Variants in RTKN2 observed in about 807,000 individuals in gnomAD.
RTKN2 encodes the protein rhotekin-2.
RTKN2 carries 69 observed loss-of-function variants against 71.5 expected under a neutral mutation model. The ratio of observed to expected loss-of-function variants is 0.96; its 90% confidence interval spans 0.79 to 1.18. RTKN2 has a LOEUF of 1.18. RTKN2 is among the 50% of genes most tolerant of loss of function. RTKN2 has a pLI of 0.00. For missense variants in RTKN2, 724 were observed against 719.7 expected (o/e 1.01, Z -0.07); for synonymous variants, 236 against 236.5 (o/e 1.00, Z 0.02).
Position 62,262,665 on chromosome 10 carries a change from G to A in RTKN2, c.217C>T (p.Gln73Ter), listed in dbSNP as rs750557150. The A allele has an allele frequency of 6.2e-7, 1 of 1,610,350 alleles. No homozygotes were observed. Among genetic ancestry groups the A allele is most frequent in the South Asian group, 1.1e-5 (1 of 90,130 alleles). ...ARLMAYTSEL[Q>*]KLEEQIANQT... ...TTTGCAATCTGTTCTTCTAATTTCTGTAGCTCCGATGTATAGGCCATTAGT... is the reference window on the plus strand; with the variant it reads ...TTTGCAATCTGTTCTTCTAATTTCTATAGCTCCGATGTATAGGCCATTAGT... The change falls in exon 2 of 12, where the codon CAG becomes TAG. Residue 73 changes from glutamine to a stop codon, truncating the protein, a stop_gained. Coordinates refer to ENST00000373789, the MANE Select transcript of RTKN2 (RefSeq NM_145307.4). LOFTEE classifies it high-confidence loss of function.
In RTKN2 at chr10:62,250,575, G is replaced by C. The variant is rs184287277; in HGVS notation, c.258-4518C>G. On this transcript the variant is annotated intron_variant, in intron 2 of 11. Coordinates refer to ENST00000373789, the MANE Select transcript of RTKN2 (RefSeq NM_145307.4). ...TGGTTTCAGTTGTCCAGAGTAAACT[G>C]CAGTCTGAAAATATTAAATGAAAAA... 3.3e-5 allele frequency among the ~76,000 whole-genome samples: 5 copies of C among 152,154 alleles called. No individual in the cohort carries two copies. The East Asian group carries it at 7.7e-4, about 23-fold the overall frequency.
intron 9 of RTKN2, among the ~76,000 whole-genome samples, chr10:62,214,016 A>G (rs559337530): frequency 3.2e-4 from 48 of 152,164 alleles, no homozygotes; most frequent in South Asian, 1.2e-3. Context: ...GGAAAAATTC[A>G]AAGGAAGCCT....
In RTKN2 at chr10:62,194,436, A is replaced by T. The variant is rs1440120019; in HGVS notation, c.*3472T>A. The T allele has an allele frequency of 1.0e-6, 1 of 976,994 alleles. No homozygotes were observed. The highest frequency in any genetic ancestry group is 1.2e-6 in the Non-Finnish European group (1 of 822,264). 60.5% of individuals were successfully genotyped at this position (976,994 alleles called of 1,614,324 possible). On this transcript the variant is annotated 3_prime_UTR_variant, in exon 12 of 12. Coordinates refer to ENST00000373789, the MANE Select transcript of RTKN2 (RefSeq NM_145307.4). ...AAGACTAACAGTGAAGATGGCTACT[A>T]GAATATAAATGGTCATCAGTTAAAG...
At chr10:62,249,113 C>T (rs941261467) in intron 2 of RTKN2, among the ~76,000 whole-genome samples, 2 of 152,022 alleles carry the variant, frequency 1.3e-5, no homozygotes, top group Non-Finnish European at 1.5e-5. Context: ...TAAGAGTACA[C>T]AATTTTCACT....
chr10:62,230,200 T>C (rs974797129), intron 6 of RTKN2, among the ~76,000 whole-genome samples: 1 of 152,220 alleles, frequency 6.6e-6, no homozygotes, highest in Admixed American at 6.5e-5. Flanking sequence ...AGACGGAGTC[T>C]CTCTCTTGTT....
intron 3 of RTKN2, among the ~76,000 whole-genome samples, chr10:62,244,528 T>C (rs1564522346): frequency 1.8e-5 from 2 of 109,920 alleles, no homozygotes; most frequent in African/African-American, 6.4e-5. Flanking sequence ...GGCATTTGAG[T>C]GTTTAACAGC....
chr10:62,264,045 T>C (rs1283735916), intron 1 of RTKN2, among the ~76,000 whole-genome samples: 3 of 152,280 alleles, frequency 2.0e-5, no homozygotes, highest in African/African-American at 7.2e-5. Context: ...TTCTAAAACA[T>C]AAAGTGACCA....
intron 2 of RTKN2, among the ~76,000 whole-genome samples, chr10:62,248,648 T>C (rs1238556267): frequency 6.6e-6 from 1 of 152,110 alleles, no homozygotes; most frequent in African/African-American, 2.4e-5. Context: ...GATAAACATA[T>C]AAAAGACAAA....
chr10:62,268,719 C>T lies in RTKN2; in HGVS notation c.-109G>A. On this transcript the variant is annotated 5_prime_UTR_variant, in exon 1 of 12. Transcript: ENST00000373789. ...CGCCAACCGCCCGGCCGTACCAAGT[C>T]CCAGTCGCAGGGGCCGGGGGCGCAG... 1 of 1,202,252 alleles carries T rather than the reference C, an allele frequency of 8.3e-7. No homozygotes were observed. The allele number at this position is 1,202,252 out of a possible 1,614,324, so 74.5% of individuals were successfully genotyped here. A position where few individuals can be genotyped will look rare whatever the true frequency, so the allele number is the denominator to read the frequency against.
intron 10 of RTKN2, among the ~76,000 whole-genome samples, chr10:62,203,241 C>G (rs1261409625): frequency 3.9e-5 from 6 of 152,090 alleles, no homozygotes; most frequent in Non-Finnish European, 7.4e-5. Flanking sequence ...AAGACGGATT[C>G]TCTAAGACAG....
intron 6 of RTKN2, among the ~76,000 whole-genome samples, chr10:62,234,570 C>T (rs1248140404): frequency 1.3e-5 from 2 of 151,708 alleles, no homozygotes; most frequent in African/African-American, 4.8e-5. Flanking sequence ...TGATCACCTC[C>T]ATGATTGCTA....
chr10:62,257,835 G>A (rs180768601), intron 2 of RTKN2, among the ~76,000 whole-genome samples: 2 of 152,090 alleles, frequency 1.3e-5, no homozygotes, highest in African/African-American at 2.4e-5. Flanking sequence ...ACCAAGCCAC[G>A]ATACCTCTAA....
At position 62,204,863 on chromosome 10, in the gene RTKN2, C is replaced by A; in HGVS notation, c.1180G>T (p.Asp394Tyr). The change falls in exon 10 of 12, where the codon GAT becomes TAT. Residue 394 changes from aspartate (D) to tyrosine (Y), a missense_variant. Physicochemically the swap from Asp to Tyr is radical, Grantham distance 160 (BLOSUM62 -3). Coordinates refer to ENST00000373789, the MANE Select transcript of RTKN2 (RefSeq NM_145307.4). ...WMEAFWQHFF[D>Y]LSQWKHCCEE... ...AATCCAAATATCTATTTACTAAGAT[C>A]AAAGAAATGCTGCCAGAAGGCTTCC... 6.4e-7 allele frequency: 1 copy of A among 1,565,974 alleles called. No homozygotes were observed. The highest frequency in any genetic ancestry group is 1.4e-5 in the African/African-American group (1 of 71,738).
Position 62,198,043 on chromosome 10 carries a change from G to T in RTKN2, c.1695C>A (p.Ala565=), listed in dbSNP as rs751626980. The part of the protein sequence containing the change: ...PMAAPRKLLP[A]RRNRLSDGEH... ...CACCATCACTTAATCTATTTCTCCT[G>T]GCAGGCAGAAGTTTTCGAGGAGCAG... The change falls in exon 12 of 12, where the codon GCC becomes GCA. Residue 565 remains alanine (A), a synonymous_variant. Coordinates refer to ENST00000373789, the MANE Select transcript of RTKN2 (RefSeq NM_145307.4). 33 of 1,614,026 alleles carry T rather than the reference G, an allele frequency of 2.0e-5. No homozygotes were observed. Among genetic ancestry groups the T allele is most frequent in the Admixed American group, 1.7e-4 (10 of 59,984 alleles).
At chr10:62,250,023 C>G (rs1175759396) in intron 2 of RTKN2, among the ~76,000 whole-genome samples, 3 of 152,148 alleles carry the variant, frequency 2.0e-5, no homozygotes, top group Non-Finnish European at 4.4e-5. Context: ...CAGTCCACAC[C>G]AACAGCATAG....
At chr10:62,233,999 T>A (rs867758032) in intron 6 of RTKN2, among the ~76,000 whole-genome samples, 6 of 152,134 alleles carry the variant, frequency 3.9e-5, no homozygotes, top group Non-Finnish European at 8.8e-5. Context: ...ACAAATACAA[T>A]GTTTAAAGAA....
intron 4 of RTKN2, among the ~76,000 whole-genome samples, 174 bp downstream of exon 4, chr10:62,240,964 ATTAG>A (rs1400458218): frequency 6.6e-6 from 1 of 152,218 alleles, no homozygotes; most frequent in African/African-American, 2.4e-5. Flanking sequence ...CACTATATTA[ATTAG>A]TATCAAGTGA....
chr10:62,259,323 T>G (rs745507167), intron 2 of RTKN2: 18 of 272,576 alleles, frequency 6.6e-5, no homozygotes, highest in Non-Finnish European at 1.4e-4. Flanking sequence ...GAAAATGAAC[T>G]AATACAATAT....
chr10:62,203,236 G>T (rs112108990), intron 10 of RTKN2, among the ~76,000 whole-genome samples: 1 of 151,980 alleles, frequency 6.6e-6, no homozygotes, highest in African/African-American at 2.4e-5. Context: ...TTTATAAGAC[G>T]GATTCTCTAA....
Sources: gnomAD v4.1 joint callset for allele counts (sites outside exome capture counted in the v4.1 genomes callset) on GRCh38, gnomAD v4.1.1 for gene constraint, MANE v1.5 for transcripts, NCBI Gene and HGNC (gene_info 2026-07-23, HGNC 2026-07-21) for gene names.